The following KMT2A variants were observed in gnomAD, a reference collection of about 807,000 sequenced individuals.
The protein encoded by KMT2A is lysine methyltransferase 2A.
Under a neutral mutation model 345.3 loss-of-function variants are expected in KMT2A, and 16 were observed. The ratio of observed to expected loss-of-function variants is 0.05; its 90% confidence interval spans 0.03 to 0.07. The LOEUF (loss-of-function observed/expected upper bound fraction) is 0.07. KMT2A is among the 10% of genes least tolerant of loss of function. The pLI is 1.00. For missense variants in KMT2A, 3,272 were observed against 4,841.6 expected (o/e 0.68, Z 9.62); for synonymous variants, 1,599 against 1,778.6 (o/e 0.90, Z 2.54).
rs1951017077 is a variant in KMT2A at position 118,523,616 on chromosome 11, A to C, written c.*1444A>C. 1 of 228,360 alleles carries C rather than the reference A, an allele frequency of 4.4e-6. No individual in the cohort carries two copies. Among genetic ancestry groups the C allele is most frequent in the African/African-American group, 2.2e-5 (1 of 45,048 alleles). The allele number at this position is 228,360 out of a possible 1,614,324, so 14.1% of individuals were successfully genotyped here. A position where few individuals can be genotyped will look rare whatever the true frequency, so the allele number is the denominator to read the frequency against. On this transcript the variant is annotated 3_prime_UTR_variant, in exon 36 of 36. Coordinates refer to ENST00000534358, the MANE Select transcript of KMT2A (RefSeq NM_001197104.2). ...TCTATGAGAAGCACTTCATAGGGAGAAGCACTTATGACAAGGCTATTTTTT... is the reference window on the plus strand; with the variant it reads ...TCTATGAGAAGCACTTCATAGGGAGCAGCACTTATGACAAGGCTATTTTTT...
Position 118,525,529 on chromosome 11 carries a change from G to A in KMT2A, c.*3357G>A, listed in dbSNP as rs1445862397. 1.8e-5 allele frequency: 4 copies of A among 223,082 alleles called. No homozygotes were observed. The highest frequency in any genetic ancestry group is 6.5e-5 in the East Asian group (1 of 15,430). 13.8% of individuals were successfully genotyped at this position (223,082 alleles called of 1,614,324 possible). ...AGACTCCTTTGCCGGGACCCAGCCC[G>A]CCACCCTGCTCGCCTCCGTCAAACC... On this transcript the variant is annotated 3_prime_UTR_variant, in exon 36 of 36. Coordinates refer to ENST00000534358, the MANE Select transcript of KMT2A (RefSeq NM_001197104.2).
intron 2 of KMT2A, among the ~76,000 whole-genome samples, chr11:118,470,198 G>A (rs1337655544): frequency 2.0e-5 from 3 of 152,148 alleles, no homozygotes; most frequent in African/African-American, 4.8e-5. Flanking sequence ...GGATAGAAGA[G>A]GTTTTCAGAA....
intron 1 of KMT2A, among the ~76,000 whole-genome samples, chr11:118,437,681 C>A (rs570387924): frequency 2.6e-5 from 4 of 151,594 alleles, no homozygotes; most frequent in East Asian, 3.9e-4. Flanking sequence ...CTCTTCCCCC[C>A]CCCGCCCCGT....
At chr11:118,511,298 T>TGGAGAGGGGAG (rs1165412478) in intron 30 of KMT2A, among the ~76,000 whole-genome samples, 3 of 151,998 alleles carry the variant, frequency 2.0e-5, no homozygotes, top group African/African-American at 7.2e-5. Flanking sequence ...TGGTGGAATA[T>TGGAGAGGGGAG]GGAGAGGGGA....
In KMT2A at chr11:118,497,879, GA is replaced by G. The variant is rs66869191; in HGVS notation, c.5665-53del. 2.8e-6 allele frequency: 4 copies of G among 1,431,740 alleles called. No individual in the cohort carries two copies. The African/African-American group carries it at 4.2e-5, about 15-fold the overall frequency. 88.7% of individuals were successfully genotyped at this position (1,431,740 alleles called of 1,614,324 possible). A position where few individuals can be genotyped will look rare whatever the true frequency, so the allele number is the denominator to read the frequency against. On this transcript the variant is annotated intron_variant, in intron 20 of 35. Transcript: ENST00000534358. The surrounding 1 kb of genome is among the most constrained non-coding windows in gnomAD (Gnocchi z 4.8). ...CTTCACTGGAAAAGCTAATGCCGAG[GA>G]AAACCTCCTTTGGCATTATATTCTT...
At chr11:118,480,796 G>A (rs528424399) in intron 6 of KMT2A, among the ~76,000 whole-genome samples, 1 of 152,088 alleles carries the variant, frequency 6.6e-6, no homozygotes, top group Non-Finnish European at 1.5e-5. Context: ...CCTAGTAGCT[G>A]GGACTACAGG....
At chr11:118,500,188 C>G (rs986954382) in intron 24 of KMT2A, among the ~76,000 whole-genome samples, 1 of 152,106 alleles carries the variant, frequency 6.6e-6, no homozygotes, top group Non-Finnish European at 1.5e-5. Flanking sequence ...CTTAAGATTC[C>G]TCCAAATTCC....
chr11:118,468,870 C>CT (rs782469438), intron 2 of KMT2A, 26 bp downstream of exon 2: 1 of 1,592,496 alleles, frequency 6.3e-7, no homozygotes, highest in South Asian at 1.1e-5. Flanking sequence ...TGCATGGTGC[C>CT]TTTTAAGTTT....
In KMT2A at chr11:118,472,684, G is replaced by T. The variant is rs1949964269; in HGVS notation, c.1525G>T (p.Val509Phe). The T allele has an allele frequency of 2.5e-6, 4 of 1,613,290 alleles. No homozygotes were observed. Among genetic ancestry groups the T allele is most frequent in the Non-Finnish European group, 3.4e-6 (4 of 1,179,920 alleles). The change falls in exon 3 of 36, where the codon GTT becomes TTT. Residue 509 changes from valine to phenylalanine, a missense_variant. Coordinates refer to ENST00000534358, the MANE Select transcript of KMT2A (RefSeq NM_001197104.2). ...TGAGGAGCGGAGCGATACCCCTGAA[G>T]TTCATCCTCCACTGCCCATTTCCCA... The part of the protein sequence containing the change: ...LPEERSDTPE[V>F]HPPLPISQSP...
intron 31 of KMT2A, among the ~76,000 whole-genome samples, chr11:118,512,802 TG>T (rs1436690550): frequency 3.3e-5 from 5 of 151,798 alleles, no homozygotes; most frequent in African/African-American, 4.8e-5. Context: ...ACCTGTTTTT[TG>T]TTTTTTTTTT....
At chr11:118,471,377 A>T (rs185748586) in intron 2 of KMT2A, among the ~76,000 whole-genome samples, 1 of 152,334 alleles carries the variant, frequency 6.6e-6, no homozygotes, top group East Asian at 1.9e-4. Context: ...CTAAAATTGT[A>T]AGAAAATCAG....
chr11:118,506,250 A>G lies in KMT2A; in HGVS notation c.10358A>G (p.Tyr3453Cys), dbSNP rs782785709. ...CCTTCTGGGGAAGCAGACGAACACT[A>G]TCAGCTTCAGCATGTGAACCAGCTC... ...ASPSGEADEH[Y>C]QLQHVNQLLA... Residue 3453 changes from tyrosine to cysteine, a missense_variant, in exon 27 of 36, where the codon TAT becomes TGT. Physicochemically the swap from Tyr to Cys is radical, Grantham distance 194. Transcript: ENST00000534358. The G allele has an allele frequency of 1.2e-5, 19 of 1,614,014 alleles. No homozygotes were observed. The highest frequency in any genetic ancestry group is 6.6e-5 in the South Asian group (6 of 91,088).
At chr11:118,460,028 C>T (rs1949716476) in intron 1 of KMT2A, among the ~76,000 whole-genome samples, 1 of 152,082 alleles carries the variant, frequency 6.6e-6, no homozygotes, top group Non-Finnish European at 1.5e-5. Context: ...GAACTAAAAG[C>T]TATGCATTTT....
Position 118,478,127 on chromosome 11 carries a change from G to A in KMT2A, c.3495G>A (p.Glu1165=), listed in dbSNP as rs1362803373. The A allele has an allele frequency of 6.2e-7, 1 of 1,614,172 alleles. No individual in the cohort carries two copies. The highest frequency in any genetic ancestry group is 8.5e-7 in the Non-Finnish European group (1 of 1,180,046). The change falls in exon 5 of 36, where the codon GAG becomes GAA. Residue 1165 remains glutamate (E), a synonymous_variant. Transcript: ENST00000534358. The stretch of plus-strand genomic sequence containing the variant: ...AGTGTCCCGGCTGCCAGGTGCCTGA[G>A]GACTGTGGTGTTTGTACTAATTGCT... ...CGQCPGCQVP[E]DCGVCTNCLD... is the part of the protein sequence containing the mutation.
rs782685419 is a variant in KMT2A at position 118,522,189 on chromosome 11, C to T, written c.*17C>T. 8 of 1,612,360 alleles carry T rather than the reference C, an allele frequency of 5.0e-6. No homozygotes were observed. In the Admixed American group the frequency reaches 6.7e-5, roughly 13 times the overall value. ...CTAAACTAAAGCTGCTCTTCTCCCCCAGTGTTGGAGTGCAAGGAGGCGGGG... is the reference window on the plus strand; with the variant it reads ...CTAAACTAAAGCTGCTCTTCTCCCCTAGTGTTGGAGTGCAAGGAGGCGGGG... On this transcript the variant is annotated 3_prime_UTR_variant, in exon 36 of 36. Coordinates refer to ENST00000534358, the MANE Select transcript of KMT2A (RefSeq NM_001197104.2). This position sits in a 1 kb window ranked among gnomAD's most constrained non-coding sequence, Gnocchi z 5.4.
At position 118,506,186 on chromosome 11, in the gene KMT2A, C is replaced by T. The variant is rs1950579328; in HGVS notation, c.10294C>T (p.Leu3432Phe). ...AITAASSICV[L>F]PSTQTTGITA... Reference sequence around the variant, plus strand: ...AACAGCGGCATCTAGCATCTGTGTGCTCCCCTCCACTCAGACTACGGGCAT... The same window carrying T: ...AACAGCGGCATCTAGCATCTGTGTGTTCCCCTCCACTCAGACTACGGGCAT... The change falls in exon 27 of 36, where the codon CTC becomes TTC. Residue 3432 changes from leucine (L) to phenylalanine (F), a missense_variant. Physicochemically the swap from Leu to Phe is conservative, Grantham distance 22. Coordinates refer to ENST00000534358, the MANE Select transcript of KMT2A (RefSeq NM_001197104.2). The T allele has an allele frequency of 1.9e-6, 3 of 1,613,984 alleles. No individual in the cohort carries two copies. Among genetic ancestry groups the T allele is most frequent in the Non-Finnish European group, 2.5e-6 (3 of 1,179,980 alleles).
chr11:118,466,781 A>G (rs1555034168), intron 1 of KMT2A, among the ~76,000 whole-genome samples: 1 of 152,204 alleles, frequency 6.6e-6, no homozygotes, highest in Non-Finnish European at 1.5e-5. Flanking sequence ...CCTGGGCGAC[A>G]GAGCAAGACT....
intron 5 of KMT2A, among the ~76,000 whole-genome samples, 176 bp from the exon 6 acceptor site, chr11:118,479,998 T>C (rs1443954927): frequency 4.6e-5 from 7 of 152,228 alleles, no homozygotes; most frequent in Non-Finnish European, 8.8e-5. Flanking sequence ...GTGAAATTGC[T>C]GATCCAGGGA....
rs782800923 is a variant in KMT2A at position 118,474,302 on chromosome 11, A to G, written c.3143A>G (p.Gln1048Arg). 3 of 1,613,640 alleles carry G rather than the reference A, an allele frequency of 1.9e-6. No homozygotes were observed. The highest frequency in any genetic ancestry group is 2.5e-6 in the Non-Finnish European group (3 of 1,179,868). ...EKSKSLKQTDQPKAQGQESDS... is the reference protein window; with the variant it reads ...EKSKSLKQTDRPKAQGQESDS... ...AGTAAGAGTCTTAAACAAACCGACC[A>G]GCCCAAAGCACAGGTACTCTTTTCC... Residue 1048 changes from glutamine to arginine, a missense_variant, in exon 3 of 36, where the codon CAG (glutamine) becomes CGG (arginine). Physicochemically the swap from Gln to Arg is conservative, Grantham distance 43 (BLOSUM62 1). This residue lies in a region of KMT2A where 29 missense variants were observed against 27.1 expected (regional missense o/e 1.07). Coordinates refer to ENST00000534358, the MANE Select transcript of KMT2A (RefSeq NM_001197104.2).
Sources: allele counts gnomAD v4.1 joint callset (sites outside exome capture counted in the v4.1 genomes callset), GRCh38; gene constraint gnomAD v4.1.1; regional missense constraint gnomAD v4.1.1; non-coding constraint Gnocchi (gnomAD v3.1); transcripts MANE v1.5; gene names NCBI Gene and HGNC (gene_info 2026-07-23, HGNC 2026-07-21).